Variants in TEX14 observed in about 807,000 individuals in gnomAD.
TEX14 encodes the protein inactive serine/threonine-protein kinase TEX14.
In TEX14, 168 loss-of-function variants were observed where a neutral mutation model predicts 178.6. The observed-to-expected ratio is 0.94, with a 90% CI of 0.83 to 1.07. The LOEUF (loss-of-function observed/expected upper bound fraction) is 1.07. TEX14 is among the 50% of genes least tolerant of loss of function. The probability of loss-of-function intolerance (pLI) is 0.00; values close to 1 mark genes in which losing one functional copy is unlikely to be tolerated. For missense variants in TEX14, 1,730 were observed against 1,753.6 expected (o/e 0.99, Z 0.24); for synonymous variants, 626 against 634.1 (o/e 0.99, Z 0.19).
chr17:58,616,195 G>T lies in TEX14; in HGVS notation c.747C>A (p.Gly249=), dbSNP rs768919345. The T allele has an allele frequency of 6.2e-7, 1 of 1,613,746 alleles. No individual in the cohort carries two copies. The highest frequency in any genetic ancestry group is 1.7e-5 in the Admixed American group (1 of 59,970). ...DDEPTFSFFS[G]PYMVMTNLVW... is the part of the protein sequence containing the mutation. ...CTTACTTGGTCATGACCATGTAGGG[G>T]CCGCTGAAGAAAGAGAAGGTGGGCT... Residue 249 remains glycine (G), a synonymous_variant, in exon 7 of 32, where the codon GGC becomes GGA. Coordinates refer to ENST00000349033, the MANE Select transcript of TEX14 (RefSeq NM_031272.5).
rs2045466268 is a variant in TEX14, at chr17:58,602,071, T to C, written c.1528-115A>G. 2.7e-6 allele frequency: 3 copies of C among 1,099,286 alleles called. No homozygotes were observed. The South Asian group carries it at 4.5e-5, about 17-fold the overall frequency. The allele number at this position is 1,099,286 out of a possible 1,614,324, so 68.1% of individuals were successfully genotyped here. A position where few individuals can be genotyped will look rare whatever the true frequency, so the allele number is the denominator to read the frequency against. ...TCCCTCTTATTCCTGTTGGGTAGAC[T>C]GACTTTAGTCCTAATTAACTAGTTT... On this transcript the variant is annotated intron_variant, in intron 12 of 31. Coordinates refer to ENST00000349033, the MANE Select transcript of TEX14 (RefSeq NM_031272.5).
At chr17:58,657,089 G>A (rs919163378) in intron 1 of TEX14, among the ~76,000 whole-genome samples, 3 of 151,852 alleles carry the variant, frequency 2.0e-5, no homozygotes, top group African/African-American at 4.8e-5. Flanking sequence ...GATTATAGGT[G>A]TGAGCCACCA....
At chr17:58,660,753 G>C (rs759602729) in intron 1 of TEX14, 17 of 781,128 alleles carry the variant, frequency 2.2e-5, no homozygotes, top group Non-Finnish European at 3.8e-5. Context: ...CCCTGATCTG[G>C]TAACACTCCA....
intron 2 of TEX14, 62 bp downstream of exon 2, chr17:58,651,804 C>T: frequency 6.9e-7 from 1 of 1,454,028 alleles, no homozygotes; most frequent in Non-Finnish European, 9.2e-7. Flanking sequence ...CATTCCTTTT[C>T]CTCTGAACGC....
chr17:58,631,864 CGAAA>C (rs1259988934), intron 2 of TEX14: 2 of 152,138 alleles, frequency 1.3e-5, no homozygotes, highest in Non-Finnish European at 2.9e-5. Flanking sequence ...CTTCCACATG[CGAAA>C]GAAACTCACA....
At chr17:58,642,510 T>C (rs1374469273) in intron 2 of TEX14, among the ~76,000 whole-genome samples, 4 of 151,904 alleles carry the variant, frequency 2.6e-5, no homozygotes, top group Non-Finnish European at 5.9e-5. Context: ...GTTCCATATA[T>C]ATATACATTT....
intron 19 of TEX14, chr17:58,581,597 A>G: frequency 6.2e-7 from 1 of 1,612,932 alleles, no homozygotes; most frequent in East Asian, 2.2e-5. Flanking sequence ...TTTACCCTGA[A>G]CTGCGTTTTT....
intron 1 of TEX14, among the ~76,000 whole-genome samples, chr17:58,677,952 C>T (rs2047421534): frequency 6.6e-6 from 1 of 152,224 alleles, no homozygotes; most frequent in African/African-American, 2.4e-5. Context: ...GAGTTCAAGA[C>T]CAGCCTGGCC....
chr17:58,578,953 T>A (rs1196175262), intron 20 of TEX14, among the ~76,000 whole-genome samples: 1 of 152,218 alleles, frequency 6.6e-6, no homozygotes, highest in Admixed American at 6.5e-5. Context: ...CACAGGTTGG[T>A]AGGTGGATAA....
At chr17:58,655,916 C>A (rs980208195) in intron 1 of TEX14, among the ~76,000 whole-genome samples, 123 of 152,328 alleles carry the variant, frequency 8.1e-4, no homozygotes, top group African/African-American at 2.9e-3. Flanking sequence ...GATCTGTTGG[C>A]CTCCTCAGAG....
In TEX14 at chr17:58,599,504, TGA is replaced by T; in HGVS notation, c.1839_1840del (p.Gln614AlafsTer21). The T allele has an allele frequency of 6.2e-7, 1 of 1,614,062 alleles. No homozygotes were observed. Among genetic ancestry groups the T allele is most frequent in the Non-Finnish European group, 8.5e-7 (1 of 1,180,002 alleles). On this transcript the variant is annotated frameshift_variant, in exon 14 of 32. Transcript: ENST00000349033. LOFTEE classifies it high-confidence loss of function. ...GATTTCGAAACTGCAGAGGCTTGGC[TGA>T]CCTGTGCTGGGGCTGCTGGCCTCTT...
intron 2 of TEX14, among the ~76,000 whole-genome samples, chr17:58,638,806 C>T (rs1268161774): frequency 6.6e-6 from 1 of 150,828 alleles, no homozygotes; most frequent in Non-Finnish European, 1.5e-5. Context: ...TCCCAAAGCA[C>T]TGGGATTACA....
chr17:58,602,399 C>G lies in TEX14; in HGVS notation c.1527+1G>C, dbSNP rs891903375. On this transcript the variant is annotated splice_donor_variant, in intron 12 of 31. Coordinates refer to ENST00000349033, the MANE Select transcript of TEX14 (RefSeq NM_031272.5). LOFTEE classifies it high-confidence loss of function. ...AAACTCCCAACAACTTCAGGGCTTG[C>G]CTTTAAGTCATTCTTCAGAATATAC... 1.2e-6 allele frequency: 2 copies of G among 1,609,046 alleles called. No individual in the cohort carries two copies. The highest frequency in any genetic ancestry group is 2.7e-5 in the African/African-American group (2 of 74,786).
At chr17:58,660,686 T>G in intron 1 of TEX14, 1 of 782,496 alleles carries the variant, frequency 1.3e-6, no homozygotes, top group South Asian at 1.3e-5. Flanking sequence ...CTCCTTTTCT[T>G]GATCTTCCTG....
Position 58,599,616 on chromosome 17 carries a change from G to C in TEX14, c.1729C>G (p.Leu577Val). ...CATGGATCTGGGGCCTGAGGATCTA[G>C]TGTCCCCTCAGTGAATAAAGAGTGA... ...RVHSLFTEGT[L>V]DPQAPDPCLM... The change falls in exon 14 of 32, where the codon CTA (leucine) becomes GTA (valine). Residue 577 changes from leucine to valine, a missense_variant. Around this residue, in one of 2 missense-constraint regions of TEX14, gnomAD observed 941 missense variants for 1,072.4 expected, o/e 0.88. Transcript: ENST00000349033. 6.2e-7 allele frequency: 1 copy of C among 1,613,848 alleles called. No homozygotes were observed. The highest frequency in any genetic ancestry group is 1.1e-5 in the South Asian group (1 of 91,068).
intron 10 of TEX14, among the ~76,000 whole-genome samples, chr17:58,609,820 C>T (rs1344741229): frequency 6.6e-6 from 1 of 152,190 alleles, no homozygotes; most frequent in Admixed American, 6.5e-5. Context: ...TGAGATATAG[C>T]AGTAAATAAA....
rs2044578239 is a variant in TEX14 at position 58,573,055 on chromosome 17, C to G, written c.3511+126G>C. The G allele has an allele frequency of 6.5e-6, 9 of 1,379,444 alleles. No homozygotes were observed. The South Asian group carries it at 1.1e-4, about 17-fold the overall frequency. 85.5% of individuals were successfully genotyped at this position (1,379,444 alleles called of 1,614,324 possible). On this transcript the variant is annotated intron_variant, in intron 23 of 31. Transcript: ENST00000349033. The stretch of plus-strand genomic sequence containing the variant: ...ACAATGGGATTACCCAGTTTTGGCC[C>G]TAAAGAAAAACCTTTGCACTATGAC...
At chr17:58,676,377 A>C (rs2047395058) in intron 1 of TEX14, among the ~76,000 whole-genome samples, 1 of 150,446 alleles carries the variant, frequency 6.6e-6, no homozygotes, top group African/African-American at 2.4e-5. Flanking sequence ...AATCCATCTC[A>C]AAAAAAACCA....
chr17:58,666,093 C>G (rs1232825311), intron 1 of TEX14, among the ~76,000 whole-genome samples: 1 of 151,396 alleles, frequency 6.6e-6, no homozygotes, highest in African/African-American at 2.4e-5. Context: ...CCTGTAATTC[C>G]AGCATTTTAG....
Sources: allele counts gnomAD v4.1 joint callset (sites outside exome capture counted in the v4.1 genomes callset), GRCh38; gene constraint gnomAD v4.1.1; regional missense constraint gnomAD v4.1.1; transcripts MANE v1.5; gene names NCBI Gene and HGNC (gene_info 2026-07-23, HGNC 2026-07-21).